The following TMEM272 variants were observed in gnomAD, a reference collection of about 807,000 sequenced individuals.
The protein encoded by TMEM272 is transmembrane protein 272.
TMEM272 carries 8 observed loss-of-function variants against 3.7 expected under a neutral mutation model. That is an observed-to-expected ratio of 2.17 (90% CI 1.27 to 3.91). The LOEUF (loss-of-function observed/expected upper bound fraction) is 3.91, where lower values mean the gene tolerates loss of function less well. Among genes scored for constraint, TMEM272 ranks in the 30% most tolerant of loss-of-function variants. The probability of loss-of-function intolerance (pLI) is 0.00; values close to 1 mark genes in which losing one functional copy is unlikely to be tolerated. For synonymous variants in TMEM272, 63 were observed against 39.8 expected, an observed-to-expected ratio of 1.58 and a Z score of -2.20; for missense variants, 166 against 91.5, an observed-to-expected ratio of 1.81 and a Z score of -3.32.
the TMEM272 span, among the ~76,000 whole-genome samples, chr13:51,866,700 TG>T: frequency 6.6e-6 from 1 of 152,192 alleles, no homozygotes; most frequent in Non-Finnish European, 1.5e-5. Context: ...AGCGTGAGAA[TG>T]GGGCCTTGGC....
At chr13:51,932,988 CA>C in the TMEM272 span, 1 of 152,034 alleles carries the variant, frequency 6.6e-6, no homozygotes, top group Admixed American at 6.6e-5. Flanking sequence ...GGGCTGAAAA[CA>C]AGGAAAACAC....
chr13:51,857,301 C>G, the TMEM272 span, among the ~76,000 whole-genome samples: 1 of 150,872 alleles, frequency 6.6e-6, no homozygotes, highest in African/African-American at 2.4e-5. Flanking sequence ...GATTTCATCA[C>G]AAGACCCATA....
At chr13:51,848,092 G>C (rs1173233117), upstream of TMEM272, among the ~76,000 whole-genome samples, 1 of 152,144 alleles carries the variant, frequency 6.6e-6, no homozygotes, top group Non-Finnish European at 1.5e-5. Context: ...CGGGGAATCT[G>C]ATATGGGGAA....
At chr13:51,927,315 G>A in the TMEM272 span, among the ~76,000 whole-genome samples, 5 of 152,120 alleles carry the variant, frequency 3.3e-5, no homozygotes, top group Non-Finnish European at 5.9e-5. Flanking sequence ...CGATGCCACG[G>A]CCCACTCGCT....
At chr13:51,838,947 T>C (rs1956238562) in intron 1 of TMEM272, among the ~76,000 whole-genome samples, 1 of 152,162 alleles carries the variant, frequency 6.6e-6, no homozygotes, top group Non-Finnish European at 1.5e-5. Flanking sequence ...GACTCTGTTT[T>C]ACAGATGGCG....
the TMEM272 span, among the ~76,000 whole-genome samples, chr13:51,880,771 A>C: frequency 6.6e-6 from 1 of 152,162 alleles, no homozygotes; most frequent in Admixed American, 6.6e-5. Context: ...AAAACCACAG[A>C]TCTTGGTCAG....
chr13:51,854,399 T>C, the TMEM272 span, among the ~76,000 whole-genome samples: 1 of 152,246 alleles, frequency 6.6e-6, no homozygotes, highest in African/African-American at 2.4e-5. Context: ...GACTGGGTAC[T>C]TGAAACCTTT....
chr13:51,866,359 G>C, the TMEM272 span: 1 of 340,556 alleles, frequency 2.9e-6, no homozygotes, highest in African/African-American at 2.1e-5. Context: ...GCGGGTGTTT[G>C]GAAGTGGAGA....
chr13:51,876,134 G>A, the TMEM272 span, among the ~76,000 whole-genome samples: 1 of 152,184 alleles, frequency 6.6e-6, no homozygotes, highest in East Asian at 1.9e-4. Context: ...CCAAAAAAAG[G>A]AACAAATGTC....
intron 2 of TMEM272, among the ~76,000 whole-genome samples, chr13:51,827,290 C>G (rs1049548875): frequency 6.6e-6 from 1 of 152,186 alleles, no homozygotes; most frequent in Admixed American, 6.5e-5. Context: ...GGGTCCAAAT[C>G]CTGGCCCTGT....
chr13:51,846,020 T>C (rs537065933), upstream of TMEM272, among the ~76,000 whole-genome samples: 408 of 152,302 alleles, frequency 2.7e-3, 3 homozygotes, highest in African/African-American at 9.5e-3. Flanking sequence ...GGGGAGGGAC[T>C]GGTGTGAGGC....
chr13:51,917,229 GTC>G, the TMEM272 span, among the ~76,000 whole-genome samples: 1 of 152,046 alleles, frequency 6.6e-6, no homozygotes, highest in Admixed American at 6.6e-5. Flanking sequence ...GACATCCCAG[GTC>G]TCTCTCTCTC....
At chr13:51,899,548 CTTAAGTA>C in the TMEM272 span, among the ~76,000 whole-genome samples, 124,125 of 151,218 alleles carry the variant, frequency 0.82, 51,625 homozygotes, top group East Asian at 0.91. Context: ...AATCAGAAGA[CTTAAGTA>C]TTAAGACGGC....
the TMEM272 span, among the ~76,000 whole-genome samples, chr13:51,927,421 T>C: frequency 1.3e-5 from 2 of 152,172 alleles, no homozygotes; most frequent in African/African-American, 4.8e-5. Flanking sequence ...TCTATTTTAA[T>C]CAAAAATTAG....
At chr13:51,870,362 G>A in the TMEM272 span, among the ~76,000 whole-genome samples, 1 of 152,024 alleles carries the variant, frequency 6.6e-6, no homozygotes, top group African/African-American at 2.4e-5. Flanking sequence ...TTTTAAAATA[G>A]GTTCTTGGCC....
At chr13:51,919,606 TAC>T in the TMEM272 span, among the ~76,000 whole-genome samples, 3 of 152,346 alleles carry the variant, frequency 2.0e-5, no homozygotes, top group Non-Finnish European at 4.4e-5. Context: ...CCCATATTGA[TAC>T]ACACAGATCC....
chr13:51,858,918 G>A, the TMEM272 span, among the ~76,000 whole-genome samples: 1 of 152,122 alleles, frequency 6.6e-6, no homozygotes, highest in African/African-American at 2.4e-5. Context: ...GTTCTCCCGG[G>A]AGCCCTTTTT....
chr13:51,871,360 T>G, the TMEM272 span, among the ~76,000 whole-genome samples: 4 of 151,898 alleles, frequency 2.6e-5, no homozygotes. Context: ...CCAGCTAATT[T>G]TTTGTATTTT....
the TMEM272 span, among the ~76,000 whole-genome samples, chr13:51,863,672 G>GACACACACACACAC: frequency 2.5e-4 from 34 of 134,388 alleles, no homozygotes; most frequent in African/African-American, 8.7e-4. Context: ...CGCGCACACA[G>GACACACACACACAC]ACACACACAC....
Sources: allele counts gnomAD v4.1 joint callset (sites outside exome capture counted in the v4.1 genomes callset), GRCh38; gene constraint gnomAD v4.1.1; transcripts MANE v1.5; gene names NCBI Gene and HGNC (gene_info 2026-07-23, HGNC 2026-07-21).